GREB1L: variants seen among roughly 807,000 people sequenced by gnomAD.
The protein encoded by GREB1L is GREB1 like retinoic acid receptor coactivator, also known as GREB1-like protein.
A neutral mutation model predicts 200.8 loss-of-function variants in GREB1L; 17 were observed. That is an observed-to-expected ratio of 0.08 (90% CI 0.06 to 0.13). The LOEUF (loss-of-function observed/expected upper bound fraction) is 0.13. Ranked by LOEUF, GREB1L falls within the 10% of genes least tolerant of loss-of-function variation. GREB1L has a pLI of 1.00. For synonymous variants in GREB1L, 789 were observed against 893.0 expected (o/e 0.88, Z 2.08); for missense variants, 1,657 against 2,367.7 (o/e 0.70, Z 6.23).
chr18:21,456,544 T>C (rs2034773313), intron 15 of GREB1L, among the ~76,000 whole-genome samples: 1 of 152,186 alleles, frequency 6.6e-6, no homozygotes, highest in Admixed American at 6.5e-5. Flanking sequence ...AGTACATTTT[T>C]CCCTGTTTCT....
intron 1 of GREB1L, among the ~76,000 whole-genome samples, chr18:21,302,469 G>A (rs1204059097): frequency 6.6e-6 from 1 of 151,902 alleles, no homozygotes; most frequent in Non-Finnish European, 1.5e-5. Flanking sequence ...TTTGTAAGGT[G>A]GAAAAAAAAT....
At chr18:21,502,761 C>T (rs762047275) in intron 23 of GREB1L, among the ~76,000 whole-genome samples, 51 of 152,318 alleles carry the variant, frequency 3.3e-4, no homozygotes, top group South Asian at 1.0e-3. Flanking sequence ...CAGAGCCAAG[C>T]AGACCGGGAG....
At chr18:21,326,253 A>C (rs567611939) in intron 1 of GREB1L, among the ~76,000 whole-genome samples, 1 of 152,328 alleles carries the variant, frequency 6.6e-6, no homozygotes, top group East Asian at 1.9e-4. Context: ...ACATGCAAAA[A>C]CAAAAAAAAA....
intron 1 of GREB1L, among the ~76,000 whole-genome samples, chr18:21,344,770 C>T (rs2039320104): frequency 2.0e-5 from 3 of 152,148 alleles, no homozygotes; most frequent in African/African-American, 7.2e-5. Context: ...AACTCATAGG[C>T]AGTCTTAAAT....
At chr18:21,287,793 C>CTT (rs534899512) in intron 1 of GREB1L, among the ~76,000 whole-genome samples, 27 of 133,294 alleles carry the variant, frequency 2.0e-4, no homozygotes, top group Admixed American at 3.8e-4. Context: ...AGTTTAAAAT[C>CTT]TTTTTTTTTT....
rs114894300 is a variant in GREB1L, at chr18:21,477,375, G to C, written c.2556+19G>C. ...TACTGGGGTGAGTCTCTTGCCTGCTGTCTGATACACTGTCATGTTCTCAGT... is the reference window on the plus strand; with the variant it reads ...TACTGGGGTGAGTCTCTTGCCTGCTCTCTGATACACTGTCATGTTCTCAGT... On this transcript the variant is annotated intron_variant, in intron 17 of 32. Transcript: ENST00000424526. 151 of 1,522,382 alleles carry C rather than the reference G, an allele frequency of 9.9e-5. 1 individual carries two copies. The African/African-American group carries it at 1.9e-3, about 19-fold the overall frequency. The allele number at this position is 1,522,382 out of a possible 1,614,324, so 94.3% of individuals were successfully genotyped here.
chr18:21,512,940 C>A (rs1265851467), intron 27 of GREB1L, among the ~76,000 whole-genome samples: 2 of 152,140 alleles, frequency 1.3e-5, no homozygotes, highest in East Asian at 3.9e-4. Context: ...GCTTTTCTTT[C>A]ATTTATCACC....
intron 19 of GREB1L, among the ~76,000 whole-genome samples, chr18:21,493,132 A>G (rs975630216): frequency 8.6e-5 from 13 of 151,912 alleles, no homozygotes; most frequent in Non-Finnish European, 1.6e-4. Flanking sequence ...TAAGTTATCA[A>G]CCTCCTTCAC....
At chr18:21,501,828 A>G (rs1429515606) in intron 23 of GREB1L, among the ~76,000 whole-genome samples, 2 of 152,214 alleles carry the variant, frequency 1.3e-5, no homozygotes, top group African/African-American at 4.8e-5. Context: ...CACTATGAAC[A>G]AAACATCGGC....
At position 21,505,470 on chromosome 18, in the gene GREB1L, G is replaced by C; in HGVS notation, c.4131G>C (p.Glu1377Asp). 1.3e-6 allele frequency: 2 copies of C among 1,551,664 alleles called. No individual in the cohort carries two copies. Among genetic ancestry groups the C allele is most frequent in the Non-Finnish European group, 1.7e-6 (2 of 1,146,968 alleles). The change falls in exon 24 of 33, where the codon GAG becomes GAC. Residue 1377 changes from glutamate to aspartate, a missense_variant. Glu to Asp is a conservative substitution (Grantham distance 45, BLOSUM62 2). Around this residue, in one of 9 missense-constraint regions of GREB1L, gnomAD observed 512 missense variants for 668.3 expected, o/e 0.77. Coordinates refer to ENST00000424526, the MANE Select transcript of GREB1L (RefSeq NM_001142966.3). Reference protein sequence around the residue: ...QSEGEPWPDIESFSKMPFDVS... With the variant: ...QSEGEPWPDIDSFSKMPFDVS... ...AGGGAGAGCCCTGGCCTGACATCGA[G>C]AGCTTCAGTAAAATGCCTTTTGATG...
At chr18:21,363,297 C>CG (rs1417994748) in intron 1 of GREB1L, among the ~76,000 whole-genome samples, 1 of 113,154 alleles carries the variant, frequency 8.8e-6, no homozygotes, top group Non-Finnish European at 1.8e-5. Context: ...GCCCCCCCCC[C>CG]CCCACACACA....
intron 1 of GREB1L, among the ~76,000 whole-genome samples, chr18:21,254,294 T>C (rs528798037): frequency 1.3e-5 from 2 of 152,064 alleles, no homozygotes; most frequent in South Asian, 4.2e-4. Context: ...GGTCTCGAAC[T>C]CCTTTCCTCA....
chr18:21,519,543 T>C (rs561250356), intron 31 of GREB1L, among the ~76,000 whole-genome samples: 45 of 152,308 alleles, frequency 3.0e-4, no homozygotes, highest in African/African-American at 1.0e-3. Context: ...ATGTATGTAA[T>C]TTACATGTCT....
At chr18:21,490,943 A>G (rs1053218378) in intron 19 of GREB1L, among the ~76,000 whole-genome samples, 1 of 152,128 alleles carries the variant, frequency 6.6e-6, no homozygotes, top group African/African-American at 2.4e-5. Flanking sequence ...GGCGCCCTAC[A>G]GAAGAATTTA....
chr18:21,522,450 G>A (rs2037620064), intron 32 of GREB1L, among the ~76,000 whole-genome samples: 1 of 152,058 alleles, frequency 6.6e-6, no homozygotes, highest in South Asian at 2.1e-4. Flanking sequence ...CTCCAGCCTG[G>A]AGACAGAGCA....
intron 7 of GREB1L, among the ~76,000 whole-genome samples, chr18:21,419,396 T>G (rs2031948939): frequency 6.6e-6 from 1 of 152,158 alleles, no homozygotes; most frequent in Non-Finnish European, 1.5e-5. Context: ...TATACAAATG[T>G]CAATTGTATT....
rs375720747 is a variant in GREB1L, at chr18:21,472,985, T to C, written c.2183-46T>C. 3.8e-6 allele frequency: 5 copies of C among 1,314,856 alleles called. No homozygotes were observed. The African/African-American group carries it at 4.4e-5, about 12-fold the overall frequency. 81.4% of individuals were successfully genotyped at this position (1,314,856 alleles called of 1,614,324 possible). ...CAAGTCTATCTCCTGTGTGTGTGTGTATGTGTAAAAGTGTGTTAAAAGATG... is the reference window on the plus strand; with the variant it reads ...CAAGTCTATCTCCTGTGTGTGTGTGCATGTGTAAAAGTGTGTTAAAAGATG... On this transcript the variant is annotated intron_variant, in intron 15 of 32. Coordinates refer to ENST00000424526, the MANE Select transcript of GREB1L (RefSeq NM_001142966.3).
At chr18:21,257,188 G>A (rs545241704) in intron 1 of GREB1L, among the ~76,000 whole-genome samples, 5 of 151,998 alleles carry the variant, frequency 3.3e-5, no homozygotes, top group South Asian at 4.2e-4. Context: ...GGATGGTCTC[G>A]ATCTCAACTG....
intron 1 of GREB1L, among the ~76,000 whole-genome samples, chr18:21,308,403 A>C (rs2038736567): frequency 6.6e-6 from 1 of 152,218 alleles, no homozygotes; most frequent in African/African-American, 2.4e-5. Flanking sequence ...AGATAATTGT[A>C]ATTCACAGTC....
Sources: allele counts gnomAD v4.1 joint callset (sites outside exome capture counted in the v4.1 genomes callset), GRCh38; gene constraint gnomAD v4.1.1; regional missense constraint gnomAD v4.1.1; transcripts MANE v1.5; gene names NCBI Gene and HGNC (gene_info 2026-07-23, HGNC 2026-07-21).